The following GMDS variants were observed in gnomAD, a reference collection of about 807,000 sequenced individuals.
The protein encoded by GMDS is GDP-mannose 4,6-dehydratase.
Under a neutral mutation model 49.9 loss-of-function variants are expected in GMDS, and 20 were observed. The observed-to-expected ratio is 0.40, with a 90% CI of 0.28 to 0.58. The LOEUF (loss-of-function observed/expected upper bound fraction) is 0.58. Ranked by LOEUF, GMDS falls within the 20% of genes least tolerant of loss-of-function variation. GMDS has a pLI of 0.42. For missense variants in GMDS, 362 were observed against 481.4 expected, an observed-to-expected ratio of 0.75 and a Z score of 2.32; for synonymous variants, 177 against 178.6, an observed-to-expected ratio of 0.99 and a Z score of 0.07.
At chr6:2,014,921 G>C (rs1217346386) in intron 4 of GMDS, among the ~76,000 whole-genome samples, 2 of 151,908 alleles carry the variant, frequency 1.3e-5, no homozygotes, top group African/African-American at 4.8e-5. Flanking sequence ...AGTTATAATA[G>C]GTATATTAAT....
chr6:2,191,919 C>A lies in GMDS; in HGVS notation c.102+53402G>T, dbSNP rs1779037358. On this transcript the variant is annotated intron_variant, in intron 1 of 10. Coordinates refer to ENST00000380815, the MANE Select transcript of GMDS (RefSeq NM_001500.4). This position sits in a 1 kb window ranked among gnomAD's most constrained non-coding sequence, Gnocchi z 4.6. ...CCAGTCCCACAGACCACACTGCAGGCTTATGGTGACTTTTCTGGGCCTGCC... is the reference window on the plus strand; with the variant it reads ...CCAGTCCCACAGACCACACTGCAGGATTATGGTGACTTTTCTGGGCCTGCC... Among the ~76,000 whole-genome samples the A allele has an allele frequency of 6.6e-6, 1 of 152,190 alleles. No individual in the cohort carries two copies.
At chr6:1,660,028 C>G (rs906197150) in intron 9 of GMDS, among the ~76,000 whole-genome samples, 13 of 151,966 alleles carry the variant, frequency 8.6e-5, no homozygotes, top group African/African-American at 2.9e-4. Context: ...TGAGAGACAC[C>G]CTGCATGCGT....
chr6:1,985,125 A>C (rs1405077798), intron 4 of GMDS, among the ~76,000 whole-genome samples: 1 of 152,216 alleles, frequency 6.6e-6, no homozygotes, highest in Non-Finnish European at 1.5e-5. Context: ...CATAAAGTTA[A>C]GTGTCTAAAA....
intron 4 of GMDS, among the ~76,000 whole-genome samples, chr6:1,998,540 C>T (rs1766438766): frequency 6.6e-6 from 1 of 152,092 alleles, no homozygotes; most frequent in Admixed American, 6.6e-5. Flanking sequence ...GTCAGCCCTT[C>T]GTATCCATAG....
chr6:2,041,062 T>C (rs1182923640), intron 4 of GMDS, among the ~76,000 whole-genome samples: 3 of 152,216 alleles, frequency 2.0e-5, no homozygotes, highest in Non-Finnish European at 4.4e-5. Flanking sequence ...TTACTTTTTC[T>C]CCCCTACAGA....
chr6:2,168,626 T>G (rs561692544), intron 1 of GMDS, among the ~76,000 whole-genome samples: 33 of 152,378 alleles, frequency 2.2e-4, no homozygotes, highest in Non-Finnish European at 4.3e-4. Flanking sequence ...CTTTTTCTTT[T>G]CTTTGCTGTA....
chr6:2,242,743 G>C (rs945241571), intron 1 of GMDS, among the ~76,000 whole-genome samples: 1 of 152,148 alleles, frequency 6.6e-6, no homozygotes, highest in Non-Finnish European at 1.5e-5. Flanking sequence ...TACGACCTCA[G>C]GGAACATATT....
intron 1 of GMDS, among the ~76,000 whole-genome samples, chr6:2,124,990 C>A (rs1039786328): frequency 6.6e-6 from 1 of 152,200 alleles, no homozygotes; most frequent in African/African-American, 2.4e-5. Flanking sequence ...TGATATGCAT[C>A]AACAGACAGC....
chr6:1,948,552 G>A (rs1020497526), intron 6 of GMDS, among the ~76,000 whole-genome samples: 5 of 152,064 alleles, frequency 3.3e-5, no homozygotes, highest in African/African-American at 7.2e-5. Flanking sequence ...AGCTGCTCAG[G>A]AGGCAATGGC....
At chr6:1,670,122 C>T (rs1412248938) in intron 9 of GMDS, among the ~76,000 whole-genome samples, 2 of 151,984 alleles carry the variant, frequency 1.3e-5, no homozygotes, top group East Asian at 1.9e-4. Flanking sequence ...CAAGTCAGAG[C>T]GCTGCGCACG....
intron 4 of GMDS, among the ~76,000 whole-genome samples, chr6:2,104,210 C>T (rs1774089812): frequency 6.6e-6 from 1 of 152,188 alleles, no homozygotes. Flanking sequence ...ATTATCTTAG[C>T]TGATTTCAAT....
intron 1 of GMDS, among the ~76,000 whole-genome samples, chr6:2,237,682 A>T (rs1280484122): frequency 6.6e-6 from 1 of 151,738 alleles, no homozygotes; most frequent in Admixed American, 6.6e-5. Context: ...CCACCATGCC[A>T]GGCTAATTTT....
At chr6:2,174,360 C>T (rs1303802023) in intron 1 of GMDS, among the ~76,000 whole-genome samples, 2 of 152,136 alleles carry the variant, frequency 1.3e-5, no homozygotes, top group Non-Finnish European at 2.9e-5. Context: ...GAACTCCATG[C>T]TTAAATTCAC....
intron 9 of GMDS, among the ~76,000 whole-genome samples, chr6:1,676,358 C>G (rs1187115588): frequency 6.6e-6 from 1 of 152,154 alleles, no homozygotes; most frequent in Non-Finnish European, 1.5e-5. Context: ...CCACACTGCC[C>G]AAGGTAATTT....
intron 4 of GMDS, among the ~76,000 whole-genome samples, chr6:2,102,449 C>T (rs1481761174): frequency 6.6e-6 from 1 of 152,168 alleles, no homozygotes; most frequent in African/African-American, 2.4e-5. Context: ...ACACAAATCA[C>T]TTAGATTTGC....
chr6:1,890,825 A>C (rs1022164644), intron 7 of GMDS, among the ~76,000 whole-genome samples: 1 of 152,216 alleles, frequency 6.6e-6, no homozygotes, highest in African/African-American at 2.4e-5. Flanking sequence ...AGCAGGGTGG[A>C]TTAAGGTTCA....
chr6:1,930,552 T>C (rs1426649731), intron 6 of GMDS: 1 of 208,882 alleles, frequency 4.8e-6, no homozygotes, highest in East Asian at 1.1e-4. Flanking sequence ...GGAATGCCAG[T>C]TTTTAAACAG....
At chr6:2,240,357 C>T (rs1011978260) in intron 1 of GMDS, among the ~76,000 whole-genome samples, 1 of 152,114 alleles carries the variant, frequency 6.6e-6, no homozygotes, top group Non-Finnish European at 1.5e-5. Context: ...AGGCAAAGGC[C>T]ACTACTATGT....
At chr6:1,879,165 ATAAAG>A (rs1759242877) in intron 7 of GMDS, among the ~76,000 whole-genome samples, 1 of 152,282 alleles carries the variant, frequency 6.6e-6, no homozygotes, top group Non-Finnish European at 1.5e-5. Flanking sequence ...GACATGGAAA[ATAAAG>A]TAATTATCTG....
Sources: allele counts gnomAD v4.1 joint callset (sites outside exome capture counted in the v4.1 genomes callset), GRCh38; gene constraint gnomAD v4.1.1; non-coding constraint Gnocchi (gnomAD v3.1); transcripts MANE v1.5; gene names NCBI Gene and HGNC (gene_info 2026-07-23, HGNC 2026-07-21).